The following PKIB variants were observed in gnomAD, a reference collection of about 807,000 sequenced individuals.
The protein encoded by PKIB is PKI-beta.
A neutral mutation model predicts 4.5 loss-of-function variants in PKIB; 2 were observed. The ratio of observed to expected loss-of-function variants is 0.44; its 90% CI spans 0.18 to 1.39. The LOEUF (loss-of-function observed/expected upper bound fraction) is 1.39. Ranked by LOEUF, PKIB falls within the 40% of genes most tolerant of loss-of-function variation. The pLI, the probability that PKIB is intolerant of heterozygous loss-of-function variation, is 0.27. For missense variants in PKIB, 94 were observed against 92.6 expected (o/e 1.02, Z -0.06); for synonymous variants, 38 against 36.0 (o/e 1.06, Z -0.20).
chr6:122,642,505 A>C (rs1219347234), intron 2 of PKIB, among the ~76,000 whole-genome samples: 1 of 152,226 alleles, frequency 6.6e-6, no homozygotes, highest in East Asian at 1.9e-4. Context: ...GTATAGTTTT[A>C]ATCTATCATT....
chr6:122,476,136 C>T (rs1037541172), intron 1 of PKIB, among the ~76,000 whole-genome samples: 16 of 151,850 alleles, frequency 1.1e-4, no homozygotes, highest in African/African-American at 3.9e-4. Flanking sequence ...AACATCTTGG[C>T]CCCCCCACAG....
intron 2 of PKIB, among the ~76,000 whole-genome samples, chr6:122,542,387 GT>G (rs1777633094): frequency 1.3e-5 from 2 of 152,018 alleles, no homozygotes; most frequent in Non-Finnish European, 2.9e-5. Flanking sequence ...CTGTTTGTTA[GT>G]TTTCCTTCTA....
At chr6:122,550,194 C>T (rs960461915) in intron 2 of PKIB, among the ~76,000 whole-genome samples, 10 of 152,186 alleles carry the variant, frequency 6.6e-5, no homozygotes, top group East Asian at 1.9e-4. Flanking sequence ...GGATTACAGA[C>T]GTGAGCCACT....
intron 3 of PKIB, chr6:122,701,436 A>G: frequency 1.3e-6 from 2 of 1,572,238 alleles, no homozygotes; most frequent in Non-Finnish European, 1.7e-6. Flanking sequence ...CATTGCATTT[A>G]CAGGCTGAAG....
intron 2 of PKIB, among the ~76,000 whole-genome samples, chr6:122,670,146 C>T (rs1397749643): frequency 2.0e-5 from 3 of 152,006 alleles, no homozygotes; most frequent in Non-Finnish European, 4.4e-5. Context: ...AGACCACATT[C>T]CCTTCTCTTT....
chr6:122,597,130 T>C (rs538397874), intron 3 of PKIB, among the ~76,000 whole-genome samples: 163 of 152,356 alleles, frequency 1.1e-3, no homozygotes, highest in African/African-American at 3.5e-3. Flanking sequence ...TTTCTCATCC[T>C]CTGGCATGGA....
chr6:122,715,832 A>T (rs1330122764), intron 3 of PKIB, among the ~76,000 whole-genome samples: 1 of 152,068 alleles, frequency 6.6e-6, no homozygotes, highest in African/African-American at 2.4e-5. Flanking sequence ...TTTTGTGATA[A>T]TCCATTTCGT....
At chr6:122,594,792 T>C (rs1774124072) in intron 3 of PKIB, among the ~76,000 whole-genome samples, 1 of 152,196 alleles carries the variant, frequency 6.6e-6, no homozygotes. Flanking sequence ...CCCATTGACC[T>C]TAATAGCAGG....
At chr6:122,558,136 G>A (rs1772901423) in intron 2 of PKIB, among the ~76,000 whole-genome samples, 1 of 152,162 alleles carries the variant, frequency 6.6e-6, no homozygotes, top group African/African-American at 2.4e-5. Flanking sequence ...GCTGAGAAGT[G>A]CAGGTTGTAT....
chr6:122,650,396 A>G (rs1373118444), intron 2 of PKIB, among the ~76,000 whole-genome samples: 3 of 152,158 alleles, frequency 2.0e-5, no homozygotes, highest in African/African-American at 7.2e-5. Flanking sequence ...GGTGATTTCT[A>G]CTTGGCCTCA....
intron 3 of PKIB, among the ~76,000 whole-genome samples, chr6:122,600,509 C>G (rs1171290718): frequency 6.6e-6 from 1 of 152,092 alleles, no homozygotes; most frequent in Non-Finnish European, 1.5e-5. Flanking sequence ...AGTTCTTGTT[C>G]CTTGCAGCAA....
chr6:122,657,867 G>T (rs890935287), intron 2 of PKIB, among the ~76,000 whole-genome samples: 7 of 152,162 alleles, frequency 4.6e-5, no homozygotes, highest in Non-Finnish European at 8.8e-5. Context: ...TCTTTCTTGA[G>T]CCATTAAGGG....
At chr6:122,546,808 A>C (rs1170070787) in intron 2 of PKIB, among the ~76,000 whole-genome samples, 1 of 152,110 alleles carries the variant, frequency 6.6e-6, no homozygotes, top group Non-Finnish European at 1.5e-5. Flanking sequence ...GCAAAATCAG[A>C]GATAGGTACT....
At chr6:122,660,790 A>G (rs1776955191) in intron 2 of PKIB, among the ~76,000 whole-genome samples, 1 of 152,194 alleles carries the variant, frequency 6.6e-6, no homozygotes. Flanking sequence ...CTTCAAGATA[A>G]CATACTTGCA....
chr6:122,667,346 G>T (rs965685019), intron 2 of PKIB, among the ~76,000 whole-genome samples: 1 of 152,054 alleles, frequency 6.6e-6, no homozygotes, highest in Admixed American at 6.6e-5. Flanking sequence ...GACCATCCTG[G>T]CTAACACAGT....
intron 2 of PKIB, chr6:122,480,381 A>AGCATTC: frequency 6.6e-6 from 1 of 152,328 alleles, no homozygotes; most frequent in Middle Eastern, 3.4e-3. Context: ...ACCTACACTT[A>AGCATTC]GTATATCCAA....
chr6:122,545,917 A>G (rs1278554186), intron 2 of PKIB, among the ~76,000 whole-genome samples: 1 of 151,630 alleles, frequency 6.6e-6, no homozygotes, highest in African/African-American at 2.4e-5. Context: ...GGAGTGGTTA[A>G]TGTGGTTAAG....
chr6:122,627,151 G>A (rs1401490655), intron 1 of PKIB, among the ~76,000 whole-genome samples: 1 of 150,676 alleles, frequency 6.6e-6, no homozygotes, highest in Non-Finnish European at 1.5e-5. Context: ...ACTGAGGCAG[G>A]AAAACGGCGT....
intron 2 of PKIB, among the ~76,000 whole-genome samples, chr6:122,534,531 G>T (rs12215815): frequency 6.6e-6 from 1 of 151,962 alleles, no homozygotes; most frequent in Admixed American, 6.6e-5. Context: ...TGTGGTAGAA[G>T]GGCTAAACTA....
Sources: gnomAD v4.1 joint callset for allele counts (sites outside exome capture counted in the v4.1 genomes callset) on GRCh38, gnomAD v4.1.1 for gene constraint, MANE v1.5 for transcripts, NCBI Gene and HGNC (gene_info 2026-07-23, HGNC 2026-07-21) for gene names.